BICDL1: variants seen among roughly 807,000 people sequenced by gnomAD.
The protein encoded by BICDL1 is BICD family like cargo adaptor 1.
In BICDL1, 20 loss-of-function variants were observed where a neutral mutation model predicts 76.8. That is an observed-to-expected ratio of 0.26 (90% CI 0.18 to 0.38). BICDL1 has a LOEUF of 0.38. BICDL1 is among the 10% of genes least tolerant of loss of function. BICDL1 has a pLI of 1.00. For missense variants in BICDL1, 700 were observed against 798.6 expected, an observed-to-expected ratio of 0.88 and a Z score of 1.49; for synonymous variants, 383 against 337.1, an observed-to-expected ratio of 1.14 and a Z score of -1.49.
rs199743447 is a variant in BICDL1 at position 120,064,752 on chromosome 12, G to A, written c.782G>A (p.Arg261Gln). The A allele has an allele frequency of 1.2e-5, 19 of 1,611,766 alleles. No homozygotes were observed. Among genetic ancestry groups the A allele is most frequent in the East Asian group, 4.5e-5 (2 of 44,752 alleles). Residue 261 changes from arginine to glutamine, a missense_variant, in exon 4 of 10, where the codon CGG becomes CAG. Physicochemically the swap from Arg to Gln is conservative, Grantham distance 43 (BLOSUM62 1). Transcript: ENST00000548673. ...TTTCAGATCAAGATGCTGTCAGATC[G>A]GAAACGGGAGCTGGAGCATCGTCTC... ...LQAEIKMLSD[R>Q]KRELEHRLSA...
At chr12:120,004,008 T>C (rs1951808042) in intron 2 of BICDL1, among the ~76,000 whole-genome samples, 1 of 152,182 alleles carries the variant, frequency 6.6e-6, no homozygotes, top group Admixed American at 6.5e-5. Context: ...CCACATGGTC[T>C]GTAGTATGGA....
chr12:120,094,440 C>T lies in BICDL1; in HGVS notation c.*1279C>T, dbSNP rs1156993430. 2 of 329,442 alleles carry T rather than the reference C, an allele frequency of 6.1e-6. No individual in the cohort carries two copies. Among genetic ancestry groups the T allele is most frequent in the African/African-American group, 4.3e-5 (2 of 46,398 alleles). The allele number at this position is 329,442 out of a possible 1,614,324, so 20.4% of individuals were successfully genotyped here. ...AAGGCATATTTTTAGAAAAACAGCA[C>T]ACCACTGCTTCTTTTGAAAATAGTC... is the stretch of plus-strand genomic sequence containing the variant. On this transcript the variant is annotated 3_prime_UTR_variant, in exon 10 of 10. Coordinates refer to ENST00000548673, the MANE Select transcript of BICDL1 (RefSeq NM_001367886.1).
chr12:120,013,577 T>G (rs1371030259), intron 2 of BICDL1, among the ~76,000 whole-genome samples: 2 of 151,266 alleles, frequency 1.3e-5, no homozygotes, highest in East Asian at 4.0e-4. Context: ...TTCTCCTGCC[T>G]CAGCCTCCTG....
intron 2 of BICDL1, among the ~76,000 whole-genome samples, chr12:120,034,276 T>A (rs983042800): frequency 3.3e-5 from 5 of 152,228 alleles, no homozygotes. Flanking sequence ...AGTACAGATT[T>A]AGGAACATGC....
intron 2 of BICDL1, among the ~76,000 whole-genome samples, chr12:120,011,652 G>A (rs1351010414): frequency 6.6e-6 from 1 of 152,114 alleles, no homozygotes; most frequent in Non-Finnish European, 1.5e-5. Context: ...ATCTTTTTCA[G>A]GGATTGCCTT....
intron 7 of BICDL1, chr12:120,080,681 C>A: frequency 2.2e-6 from 1 of 447,074 alleles, no homozygotes; most frequent in Non-Finnish European, 4.1e-6. Context: ...CCCTTGCTGC[C>A]GAGCTCAAGC....
intron 2 of BICDL1, among the ~76,000 whole-genome samples, chr12:120,001,946 T>G (rs777287542): frequency 1.4e-4 from 21 of 152,184 alleles, no homozygotes; most frequent in Non-Finnish European, 2.8e-4. Flanking sequence ...ACTGGCTGAT[T>G]GCTTGAGCCC....
At chr12:120,006,871 A>C (rs1460510530) in intron 2 of BICDL1, among the ~76,000 whole-genome samples, 2 of 152,090 alleles carry the variant, frequency 1.3e-5, no homozygotes, top group Non-Finnish European at 2.9e-5. Context: ...CCTGATTGAT[A>C]ACAACTTTTA....
At chr12:120,088,690 G>A (rs186552692) in intron 8 of BICDL1, among the ~76,000 whole-genome samples, 126 of 146,084 alleles carry the variant, frequency 8.6e-4, no homozygotes, top group Middle Eastern at 4.1e-3. Flanking sequence ...TTTTTGAGAC[G>A]GAGTCTTGTT....
chr12:119,990,636 A>G (rs1235922807), intron 1 of BICDL1, among the ~76,000 whole-genome samples: 1 of 152,222 alleles, frequency 6.6e-6, no homozygotes, highest in Non-Finnish European at 1.5e-5. Context: ...GTCGGGAAGC[A>G]TTTAAAATAT....
At position 119,989,921 on chromosome 12, in the gene BICDL1, C is replaced by G; in HGVS notation, c.53C>G (p.Pro18Arg). The change falls in exon 1 of 10, where the codon CCG becomes CGG. Residue 18 changes from proline (P) to arginine (R), a missense_variant. By Grantham distance (103) the Pro-to-Arg change is moderately radical. This residue lies in a region of BICDL1 where 225 missense variants were observed against 199.6 expected (regional missense o/e 1.13). Coordinates refer to ENST00000548673, the MANE Select transcript of BICDL1 (RefSeq NM_001367886.1). The stretch of plus-strand genomic sequence containing the variant: ...GGCCGCGCTTCAGCACCCGCCGAGC[C>G]GGACAGCGCCTGCTGCATGGAGCTG... ...LVGRASAPAE[P>R]DSACCMELPA... is the part of the protein sequence containing the mutation. The G allele has an allele frequency of 6.8e-7, 1 of 1,461,644 alleles. No homozygotes were observed. The highest frequency in any genetic ancestry group is 8.9e-7 in the Non-Finnish European group (1 of 1,119,698). The allele number at this position is 1,461,644 out of a possible 1,614,324, so 90.5% of individuals were successfully genotyped here.
chr12:120,011,943 A>G (rs1951961703), intron 2 of BICDL1, among the ~76,000 whole-genome samples: 1 of 152,204 alleles, frequency 6.6e-6, no homozygotes, highest in Non-Finnish European at 1.5e-5. Context: ...CTGTCAGTAA[A>G]ACACGGAGAT....
intron 4 of BICDL1, among the ~76,000 whole-genome samples, chr12:120,070,604 A>G (rs1873010847): frequency 6.6e-6 from 1 of 152,256 alleles, no homozygotes; most frequent in Non-Finnish European, 1.5e-5. Context: ...TTTTCTTAAT[A>G]TCATAAAATG....
At chr12:120,067,800 A>G (rs1311044365) in intron 4 of BICDL1, among the ~76,000 whole-genome samples, 2 of 152,190 alleles carry the variant, frequency 1.3e-5, no homozygotes, top group Non-Finnish European at 2.9e-5. Context: ...TGCCAGTTTA[A>G]TATGCCATTT....
chr12:120,042,840 G>A (rs1267263362), intron 2 of BICDL1, among the ~76,000 whole-genome samples: 3 of 151,754 alleles, frequency 2.0e-5, no homozygotes, highest in Non-Finnish European at 2.9e-5. Flanking sequence ...CTAAGTCAGA[G>A]GAGAGGTCAG....
chr12:120,002,938 C>T (rs1000497659), intron 2 of BICDL1, among the ~76,000 whole-genome samples: 27 of 152,084 alleles, frequency 1.8e-4, no homozygotes, highest in Admixed American at 1.6e-3. Flanking sequence ...GGGCAGATCA[C>T]CTGAGGTCAG....
At chr12:120,037,815 T>A (rs564289026) in intron 2 of BICDL1, among the ~76,000 whole-genome samples, 1 of 152,326 alleles carries the variant, frequency 6.6e-6, no homozygotes, top group Admixed American at 6.5e-5. Context: ...GAGTTTGTTT[T>A]AACAGACTCG....
chr12:120,091,479 G>A, intron 9 of BICDL1: 1 of 996,114 alleles, frequency 1.0e-6, no homozygotes, highest in Non-Finnish European at 1.2e-6. Flanking sequence ...TAAGTGCAGG[G>A]CACTGTGCCA....
At position 120,027,091 on chromosome 12, in the gene BICDL1, C is replaced by T. The variant is rs766336852; in HGVS notation, c.645+28355C>T. 3.6e-5 allele frequency among the ~76,000 whole-genome samples: 5 copies of T among 137,264 alleles called. No homozygotes were observed. The East Asian group carries it at 6.3e-4, about 17-fold the overall frequency. 90.1% of individuals were successfully genotyped at this position (137,264 alleles called of 152,430 possible). ...TGTCGCCTGGGCTGGAGTGCAATGG[C>T]GCAATCTCGGCTCACTGCAACCTCC... On this transcript the variant is annotated intron_variant, in intron 2 of 9. Coordinates refer to ENST00000548673, the MANE Select transcript of BICDL1 (RefSeq NM_001367886.1).
Sources: allele counts gnomAD v4.1 joint callset (sites outside exome capture counted in the v4.1 genomes callset), GRCh38; gene constraint gnomAD v4.1.1; regional missense constraint gnomAD v4.1.1; transcripts MANE v1.5; gene names NCBI Gene and HGNC (gene_info 2026-07-23, HGNC 2026-07-21).